SCN11A: variants seen among roughly 807,000 people sequenced by gnomAD.
The protein encoded by SCN11A is sodium voltage-gated channel alpha subunit 11, also known as sodium channel protein type 11 subunit alpha.
Under a neutral mutation model 162.2 loss-of-function variants are expected in SCN11A, and 122 were observed. The ratio of observed to expected loss-of-function variants is 0.75; its 90% CI spans 0.65 to 0.87. The LOEUF is 0.87. Among genes scored for constraint, SCN11A ranks in the 40% least tolerant of loss-of-function variants. The pLI is 0.00. For missense variants in SCN11A, 2,015 were observed against 2,181.6 expected, an observed-to-expected ratio of 0.92 and a Z score of 1.52; for synonymous variants, 758 against 751.5, an observed-to-expected ratio of 1.01 and a Z score of -0.14.
intron 28 of SCN11A, 90 bp from the exon 29 acceptor site, chr3:38,850,841 T>G (rs948903643): frequency 8.8e-6 from 10 of 1,136,946 alleles, no homozygotes; most frequent in Middle Eastern, 2.4e-4. Context: ...GAATTTGTTT[T>G]TCCTTACAAT....
At chr3:38,938,659 G>T (rs2066392810) in intron 7 of SCN11A, among the ~76,000 whole-genome samples, 1 of 143,058 alleles carries the variant, frequency 7.0e-6, no homozygotes, top group South Asian at 2.3e-4. Context: ...CTGCCTCCCA[G>T]GTTCAAGCGA....
At chr3:39,023,647 CTT>C (rs201923367) in intron 2 of SCN11A, among the ~76,000 whole-genome samples, 7 of 144,012 alleles carry the variant, frequency 4.9e-5, no homozygotes, top group African/African-American at 5.1e-5. Context: ...CCCCAACTTT[CTT>C]TTTTTTTTTT....
chr3:39,042,593 G>C lies in SCN11A; in HGVS notation c.-404+9268C>G, dbSNP rs140357738. Among the ~76,000 whole-genome samples, 28 of 152,152 alleles carry C rather than the reference G, an allele frequency of 1.8e-4. No homozygotes were observed. The East Asian group carries it at 4.4e-3, about 24-fold the overall frequency. On this transcript the variant is annotated intron_variant, in intron 1 of 29. Transcript: ENST00000302328. ...TAGCAAACTATCCACCTAATAAGAA[G>C]TTAATAACCAGAACATATAAGGAGC...
intron 7 of SCN11A, among the ~76,000 whole-genome samples, chr3:38,929,451 T>C (rs1360617251): frequency 1.3e-5 from 2 of 152,196 alleles, no homozygotes; most frequent in African/African-American, 2.4e-5. Context: ...TTTTGCAAGA[T>C]GAAAAGAGTT....
chr3:38,980,198 GGT>G (rs2029976221), intron 2 of SCN11A, among the ~76,000 whole-genome samples: 1 of 151,946 alleles, frequency 6.6e-6, no homozygotes, highest in Non-Finnish European at 1.5e-5. Flanking sequence ...ACTCACAGTA[GGT>G]GTGAATGAAA....
At chr3:38,978,371 C>A (rs562844139) in intron 2 of SCN11A, among the ~76,000 whole-genome samples, 1 of 152,198 alleles carries the variant, frequency 6.6e-6, no homozygotes, top group Non-Finnish European at 1.5e-5. Context: ...TTTTCCTCGG[C>A]ACGGTAGCTC....
chr3:38,855,518 C>T (rs2064853683), intron 28 of SCN11A, among the ~76,000 whole-genome samples: 1 of 152,110 alleles, frequency 6.6e-6, no homozygotes, highest in South Asian at 2.1e-4. Flanking sequence ...GAATACCTCC[C>T]CTGGCCAACT....
intron 7 of SCN11A, 73 bp downstream of exon 7, chr3:38,945,338 A>C (rs1166541359): frequency 4.3e-6 from 4 of 920,840 alleles, no homozygotes; most frequent in Non-Finnish European, 6.8e-6. Flanking sequence ...CTTTCTCTCC[A>C]GTGTAATCAT....
chr3:39,006,243 T>C (rs777815921), intron 2 of SCN11A, among the ~76,000 whole-genome samples: 1 of 152,240 alleles, frequency 6.6e-6, no homozygotes, highest in Non-Finnish European at 1.5e-5. Flanking sequence ...TAGTTTTGCA[T>C]TGTGTATTGT....
chr3:38,990,952 G>C (rs1270227023), intron 2 of SCN11A, among the ~76,000 whole-genome samples: 1 of 152,106 alleles, frequency 6.6e-6, no homozygotes, highest in Non-Finnish European at 1.5e-5. Context: ...CAAATGCACA[G>C]AGTGGGGACT....
chr3:38,905,334 G>A lies in SCN11A; in HGVS notation c.1474-13C>T. On this transcript the variant is annotated splice_polypyrimidine_tract_variant and intron_variant, in intron 14 of 29. Coordinates refer to ENST00000302328, the MANE Select transcript of SCN11A (RefSeq NM_001349253.2). ...CTAGGAGCTGTGGCTGTAAGAGAAG[G>A]CATAGGGCACCTTCTAAAGACAGGG... 6.2e-7 allele frequency: 1 copy of A among 1,609,700 alleles called. No homozygotes were observed. Among genetic ancestry groups the A allele is most frequent in the East Asian group, 2.2e-5 (1 of 44,742 alleles).
chr3:38,867,149 T>G (rs1181262310), intron 27 of SCN11A, among the ~76,000 whole-genome samples, 172 bp downstream of exon 27: 1 of 152,212 alleles, frequency 6.6e-6, no homozygotes, highest in Non-Finnish European at 1.5e-5. Context: ...TCAGTCTTCT[T>G]TCAGCCTCAT....
chr3:39,029,893 G>T (rs1167129785), intron 2 of SCN11A, among the ~76,000 whole-genome samples: 2 of 152,202 alleles, frequency 1.3e-5, no homozygotes, highest in Non-Finnish European at 2.9e-5. Flanking sequence ...GCTTTCTATA[G>T]GGAGATTACT....
At chr3:39,042,341 G>C (rs760530499) in intron 1 of SCN11A, among the ~76,000 whole-genome samples, 1 of 152,070 alleles carries the variant, frequency 6.6e-6, no homozygotes, top group Non-Finnish European at 1.5e-5. Flanking sequence ...GACACACATA[G>C]ACTGAAAGTG....
At chr3:38,880,160 T>G in intron 22 of SCN11A, 37 bp from the exon 23 acceptor site, 1 of 1,501,426 alleles carries the variant, frequency 6.7e-7, no homozygotes, top group Non-Finnish European at 9.1e-7. Flanking sequence ...CCAGGTTGAA[T>G]ATTTGCAAAG....
intron 14 of SCN11A, among the ~76,000 whole-genome samples, chr3:38,906,099 A>G (rs1481410888): frequency 6.6e-6 from 1 of 152,214 alleles, no homozygotes; most frequent in Non-Finnish European, 1.5e-5. Flanking sequence ...AACTGATCAT[A>G]GCAGTGGATG....
At chr3:38,866,592 A>C (rs1020044626) in intron 27 of SCN11A, among the ~76,000 whole-genome samples, 6 of 152,262 alleles carry the variant, frequency 3.9e-5, no homozygotes, top group Non-Finnish European at 7.3e-5. Context: ...TCAAAACTAC[A>C]AAATTAAAAA....
intron 20 of SCN11A, among the ~76,000 whole-genome samples, chr3:38,885,841 AT>A (rs1300769355): frequency 6.6e-6 from 1 of 152,182 alleles, no homozygotes; most frequent in Non-Finnish European, 1.5e-5. Flanking sequence ...GTCTAGAGAC[AT>A]TTTTCATTAC....
intron 2 of SCN11A, among the ~76,000 whole-genome samples, chr3:39,008,305 C>T (rs188911378): frequency 6.6e-6 from 1 of 152,092 alleles, no homozygotes; most frequent in African/African-American, 2.4e-5. Flanking sequence ...AGAATAAAGT[C>T]ATTTTCAGAC....
Sources: gnomAD v4.1 joint callset for allele counts (sites outside exome capture counted in the v4.1 genomes callset) on GRCh38, gnomAD v4.1.1 for gene constraint, MANE v1.5 for transcripts, NCBI Gene and HGNC (gene_info 2026-07-23, HGNC 2026-07-21) for gene names.